Variants in KARS1 observed in about 807,000 individuals in gnomAD.
KARS1 encodes the protein lysine--tRNA ligase.
Under a neutral mutation model 63.9 loss-of-function variants are expected in KARS1, and 50 were observed. That is an observed-to-expected ratio of 0.78 (90% CI 0.62 to 0.99). The LOEUF (loss-of-function observed/expected upper bound fraction) is 0.99, where lower values mean the gene tolerates loss of function less well. Ranked by LOEUF, KARS1 falls within the 50% of genes least tolerant of loss-of-function variation. KARS1 has a pLI of 0.00. For missense variants in KARS1, 816 were observed against 754.5 expected, an observed-to-expected ratio of 1.08 and a Z score of -0.95; for synonymous variants, 320 against 264.6, an observed-to-expected ratio of 1.21 and a Z score of -2.03.
intron 6 of KARS1, among the ~76,000 whole-genome samples, chr16:75,634,702 A>G (rs1433436680): frequency 1.3e-5 from 2 of 152,168 alleles, no homozygotes; most frequent in Non-Finnish European, 2.9e-5. Context: ...CAGACTCCAA[A>G]GTAGCTGGGA....
At position 75,630,474 on chromosome 16, in the gene KARS1, T is replaced by C. The variant is rs140328951; in HGVS notation, c.1373A>G (p.Asn458Ser). 40 of 1,612,388 alleles carry C rather than the reference T, an allele frequency of 2.5e-5. No individual in the cohort carries two copies. In the East Asian group the frequency reaches 3.8e-4, roughly 15 times the overall value. ...VGEFLEVTCI[N>S]PTFICDHPQI... ...TGGGTGATCACAGATGAATGTAGGA[T>C]TGATGCAAGTCACTTCCAGGAACTC... The change falls in exon 11 of 14, where the codon AAT becomes AGT. Residue 458 changes from asparagine to serine, a missense_variant. Asn to Ser is a conservative substitution (Grantham distance 46). Coordinates refer to ENST00000302445, the MANE Select transcript of KARS1 (RefSeq NM_005548.3).
chr16:75,628,228 C>T (rs1162866229), intron 13 of KARS1, among the ~76,000 whole-genome samples: 2 of 152,216 alleles, frequency 1.3e-5, no homozygotes, highest in Admixed American at 6.5e-5. Context: ...TGAATAGACG[C>T]ATTTCTATGA....
chr16:75,637,512 A>C (rs192331736), intron 3 of KARS1, among the ~76,000 whole-genome samples: 1 of 152,256 alleles, frequency 6.6e-6, no homozygotes, highest in African/African-American at 2.4e-5. Flanking sequence ...GCTGTGGCTC[A>C]CGCTTGTAAT....
chr16:75,633,977 T>C lies in KARS1; in HGVS notation c.915+196A>G. 6.1e-6 allele frequency: 4 copies of C among 653,082 alleles called. No individual in the cohort carries two copies. In the Admixed American group the frequency reaches 8.1e-5, roughly 13 times the overall value. The allele number at this position is 653,082 out of a possible 1,614,324, so 40.5% of individuals were successfully genotyped here. ...CATGGGAAAGACAACCCCTTTGGTC[T>C]CTGCCCTACAATGCTCTATTAATCT... On this transcript the variant is annotated intron_variant, in intron 7 of 13. Coordinates refer to ENST00000302445, the MANE Select transcript of KARS1 (RefSeq NM_005548.3).
At chr16:75,643,192 T>C (rs2082243539) in intron 1 of KARS1, among the ~76,000 whole-genome samples, 1 of 152,186 alleles carries the variant, frequency 6.6e-6, no homozygotes, top group African/African-American at 2.4e-5. Context: ...ATATCTTTAC[T>C]ATTCAAAGAC....
At chr16:75,634,137 T>C in intron 7 of KARS1, 36 bp downstream of exon 7, 1 of 1,609,974 alleles carries the variant, frequency 6.2e-7, no homozygotes, top group Non-Finnish European at 8.5e-7. Flanking sequence ...AGCTTTCTGC[T>C]TCTTTAAGGG....
At chr16:75,646,156 T>G (rs368103226) in intron 1 of KARS1, among the ~76,000 whole-genome samples, 6 of 152,272 alleles carry the variant, frequency 3.9e-5, no homozygotes, top group East Asian at 3.9e-4. Flanking sequence ...TAAAGGACAA[T>G]ATATTAAGGT....
intron 1 of KARS1, among the ~76,000 whole-genome samples, chr16:75,646,025 A>G (rs185491351): frequency 6.6e-6 from 1 of 152,336 alleles, no homozygotes; most frequent in East Asian, 1.9e-4. Context: ...TTAGGATCGT[A>G]TATCACAGAT....
rs547199898 is a variant in KARS1, at chr16:75,641,575, C to T, written c.211G>A (p.Val71Met). The change falls in exon 2 of 14, where the codon GTG becomes ATG. Residue 71 changes from valine to methionine, a missense_variant. By Grantham distance (21) the Val-to-Met change is conservative (BLOSUM62 1). Transcript: ENST00000302445. ...DNGVGPEEES[V>M]DPNQYYKIRS... is the part of the protein sequence containing the mutation. ...CCCAGGGAACTCACATTTGGGTCCA[C>T]GCTCTCTTCCTCAGGACCCACACCA... is the stretch of plus-strand genomic sequence containing the variant. The T allele has an allele frequency of 5.6e-6, 9 of 1,613,592 alleles. No homozygotes were observed. Among genetic ancestry groups the T allele is most frequent in the Admixed American group, 3.3e-5 (2 of 60,010 alleles).
chr16:75,644,534 G>A, intron 1 of KARS1: 1 of 1,082,656 alleles, frequency 9.2e-7, no homozygotes, highest in Non-Finnish European at 1.3e-6. Context: ...ACTCTCTTAT[G>A]GGTTGGGGAG....
At chr16:75,630,800 C>A (rs575122663) in intron 10 of KARS1, among the ~76,000 whole-genome samples, 1 of 151,834 alleles carries the variant, frequency 6.6e-6, no homozygotes, top group African/African-American at 2.4e-5. Flanking sequence ...ATACCCAGCT[C>A]ATTTTTGGAT....
chr16:75,630,569 C>A (rs910220276), intron 10 of KARS1, 61 bp from the exon 11 acceptor site: 11 of 1,048,306 alleles, frequency 1.0e-5, no homozygotes, highest in African/African-American at 1.6e-5. Context: ...ATCGTCCCAG[C>A]CCAGACAGAA....
intron 13 of KARS1, 78 bp downstream of exon 13, chr16:75,628,491 C>A (rs989395158): frequency 2.6e-6 from 4 of 1,535,672 alleles, no homozygotes; most frequent in Non-Finnish European, 3.6e-6. Context: ...TAATTTTATC[C>A]TCCAGGCCCA....
At chr16:75,629,596 ATTTTG>A (rs2082089433) in intron 11 of KARS1, 55 bp from the exon 12 acceptor site, 10 of 1,604,398 alleles carry the variant, frequency 6.2e-6, no homozygotes, top group African/African-American at 1.3e-5. Context: ...AATGAGCTAA[ATTTTG>A]TTTTTTCTTT....
rs72563118 is a variant in KARS1 at position 75,647,593 on chromosome 16, G to T, written c.47C>A (p.Pro16Gln). The T allele has an allele frequency of 6.2e-7, 1 of 1,613,284 alleles. No individual in the cohort carries two copies. Among genetic ancestry groups the T allele is most frequent in the Non-Finnish European group, 8.5e-7 (1 of 1,179,756 alleles). ...CGACACTCACTTCTTGCTCAGTTTCGGCTCGCTGCCATCCACTTTCACCTC... is the reference window on the plus strand; with the variant it reads ...CGACACTCACTTCTTGCTCAGTTTCTGCTCGCTGCCATCCACTTTCACCTC... ...AAEVKVDGSE[P>Q]KLSKNELKRR... Residue 16 changes from proline to glutamine, a missense_variant, in exon 1 of 14, where the codon CCG becomes CAG. Physicochemically the swap from Pro to Gln is moderately conservative, Grantham distance 76 (BLOSUM62 -1). Transcript: ENST00000302445.
In KARS1 at chr16:75,632,464, G is replaced by T. The variant is rs533447295; in HGVS notation, c.916-609C>A. Among the ~76,000 whole-genome samples, 3 of 152,310 alleles carry T rather than the reference G, an allele frequency of 2.0e-5. No individual in the cohort carries two copies. The East Asian group carries it at 5.8e-4, about 29-fold the overall frequency. Reference sequence around the variant, plus strand: ...GTTAGGCTGCAGGCGTGTGACCCAAGCTCCACCAGTCAGATACACTTGTGA... The same window carrying T: ...GTTAGGCTGCAGGCGTGTGACCCAATCTCCACCAGTCAGATACACTTGTGA... On this transcript the variant is annotated intron_variant, in intron 7 of 13. Coordinates refer to ENST00000302445, the MANE Select transcript of KARS1 (RefSeq NM_005548.3).
intron 3 of KARS1, among the ~76,000 whole-genome samples, chr16:75,637,096 C>A (rs1385706061): frequency 1.3e-5 from 2 of 152,102 alleles, no homozygotes; most frequent in Non-Finnish European, 2.9e-5. Context: ...GATTAAGTCA[C>A]TGGATGCCTA....
At chr16:75,643,930 A>T (rs1249511118) in intron 1 of KARS1, among the ~76,000 whole-genome samples, 1 of 152,232 alleles carries the variant, frequency 6.6e-6, no homozygotes, top group Non-Finnish European at 1.5e-5. Flanking sequence ...GGATAATCCA[A>T]AAAGGTCCTA....
In KARS1 at chr16:75,631,193, C is replaced by T. The variant is rs964516917; in HGVS notation, c.1313G>A (p.Arg438Gln). ...CTTGTCAAGGAGCCTGGCTGTGGTC[C>T]GAGGTGGAGGGCATTCAACAGCTTT... ...VAKAVECPPP[R>Q]TTARLLDKLV... Residue 438 changes from arginine (R) to glutamine (Q), a missense_variant, in exon 10 of 14, where the codon CGG (arginine) becomes CAG (glutamine). Transcript: ENST00000302445. 5 of 1,613,900 alleles carry T rather than the reference C, an allele frequency of 3.1e-6. No individual in the cohort carries two copies. Among genetic ancestry groups the T allele is most frequent in the Admixed American group, 3.3e-5 (2 of 59,980 alleles).
Sources: gnomAD v4.1 joint callset for allele counts (sites outside exome capture counted in the v4.1 genomes callset) on GRCh38, gnomAD v4.1.1 for gene constraint, MANE v1.5 for transcripts, NCBI Gene and HGNC (gene_info 2026-07-23, HGNC 2026-07-21) for gene names.